CGREF1: variants seen among roughly 807,000 people sequenced by gnomAD.
CGREF1 encodes cell growth regulator with EF hand domain protein 1.
In CGREF1, 16 loss-of-function variants were observed where a neutral mutation model predicts 17.4. That is an observed-to-expected ratio of 0.92 (90% CI 0.62 to 1.40). CGREF1 has a LOEUF of 1.40. Ranked by LOEUF, CGREF1 falls within the 40% of genes most tolerant of loss-of-function variation. The pLI, the probability that CGREF1 is intolerant of heterozygous loss-of-function variation, is 0.00. For synonymous variants in CGREF1, 142 were observed against 154.6 expected (o/e 0.92, Z 0.61); for missense variants, 296 against 376.4 (o/e 0.79, Z 1.77).
intron 1 of CGREF1, among the ~76,000 whole-genome samples, chr2:27,112,869 A>C (rs1490590650): frequency 6.6e-6 from 1 of 152,244 alleles, no homozygotes; most frequent in Non-Finnish European, 1.5e-5. Flanking sequence ...AGAGAACTGA[A>C]GGAATTGCCG....
intron 1 of CGREF1, chr2:27,104,874 A>G: frequency 7.7e-7 from 1 of 1,296,284 alleles, no homozygotes; most frequent in Non-Finnish European, 1.0e-6. Flanking sequence ...TGAAGAACAA[A>G]TCAAAAGAGG....
downstream of CGREF1, chr2:27,100,531 G>A: frequency 7.7e-7 from 1 of 1,290,950 alleles, no homozygotes; most frequent in Non-Finnish European, 1.0e-6. Context: ...TCCAATATAG[G>A]GTGGGTAAGG....
intron 1 of CGREF1, among the ~76,000 whole-genome samples, chr2:27,107,390 G>C (rs1460694599): frequency 6.6e-6 from 1 of 151,928 alleles, no homozygotes; most frequent in Non-Finnish European, 1.5e-5. Flanking sequence ...AAGTAGCTGG[G>C]ATTACAGGCA....
chr2:27,102,728 T>C, intron 2 of CGREF1, 137 bp from the exon 3 acceptor site: 1 of 1,024,206 alleles, frequency 9.8e-7, no homozygotes, highest in South Asian at 1.7e-5. Context: ...AAAAACCCTG[T>C]AGTGGGGAGG....
Position 27,101,448 on chromosome 2 carries a change from GCCCCC to G in CGREF1, c.778_782del (p.Gly260ProfsTer5), listed in dbSNP as rs1670836200. 1.6e-6 allele frequency: 1 copy of G among 609,454 alleles called. No individual in the cohort carries two copies. 37.8% of individuals were successfully genotyped at this position (609,454 alleles called of 1,614,324 possible). A position where few individuals can be genotyped will look rare whatever the true frequency, so the allele number is the denominator to read the frequency against. ...GGGCATCTCCTTCAGCCTCTGCCTG[GCCCCC>G]AGCTTCCCCTCTGGGCCCGGGGGCA... On this transcript the variant is annotated frameshift_variant, in exon 6 of 6. Transcript: ENST00000402394. LOFTEE classifies it low-confidence loss of function (END_TRUNC).
intron 2 of CGREF1, among the ~76,000 whole-genome samples, chr2:27,103,888 C>G (rs1008855923): frequency 6.6e-6 from 1 of 152,082 alleles, no homozygotes; most frequent in Non-Finnish European, 1.5e-5. Context: ...GAGGCTGAGG[C>G]AGAAGAATTG....
chr2:27,106,443 A>T (rs115842327), intron 1 of CGREF1, among the ~76,000 whole-genome samples: 128 of 152,314 alleles, frequency 8.4e-4, no homozygotes, highest in Non-Finnish European at 1.4e-3. Flanking sequence ...GAGATTCCCT[A>T]CGTAAAGCTG....
At chr2:27,104,686 C>T in intron 1 of CGREF1, 3 of 1,550,454 alleles carry the variant, frequency 1.9e-6, no homozygotes, top group Non-Finnish European at 2.6e-6. Context: ...CCAAGGTGCC[C>T]AGAGAAGTAC....
chr2:27,100,553 A>G, downstream of CGREF1: 1 of 1,290,080 alleles, frequency 7.8e-7, no homozygotes, highest in Non-Finnish European at 1.0e-6. Context: ...CTTATAATGT[A>G]AAGAGCATAT....
rs1299493648 is a variant in CGREF1, at chr2:27,118,877, A to C, written c.-43T>G. On this transcript the variant is annotated 5_prime_UTR_variant, in exon 1 of 6. Transcript: ENST00000402394. ...CGGCGCCGCGCGGCTCTGGGGGTCC[A>C]GCTCCGTGGGCGCTCCTGGCTGCTG... 1.3e-5 allele frequency: 2 copies of C among 151,986 alleles called. No homozygotes were observed. The highest frequency in any genetic ancestry group is 2.9e-5 in the Non-Finnish European group (2 of 68,096). 9.4% of individuals were successfully genotyped at this position (151,986 alleles called of 1,614,324 possible). A position where few individuals can be genotyped will look rare whatever the true frequency, so the allele number is the denominator to read the frequency against.
chr2:27,114,077 C>CTCCG (rs1671489472), intron 1 of CGREF1, among the ~76,000 whole-genome samples: 1 of 150,754 alleles, frequency 6.6e-6, no homozygotes, highest in African/African-American at 2.5e-5. Context: ...TCACTGCAAC[C>CTCCG]TCCGTCTCCC....
intron 1 of CGREF1, among the ~76,000 whole-genome samples, chr2:27,106,768 C>G (rs1206033123): frequency 6.6e-6 from 1 of 152,160 alleles, no homozygotes; most frequent in African/African-American, 2.4e-5. Flanking sequence ...AGGCATGTGC[C>G]ACCATGCCCA....
downstream of CGREF1, chr2:27,099,421 G>A: frequency 1.2e-6 from 2 of 1,613,858 alleles, no homozygotes; most frequent in Non-Finnish European, 8.5e-7. Flanking sequence ...GTCTTGCAGG[G>A]CTGTGCTTGT....
downstream of CGREF1, chr2:27,099,867 G>A (rs1290432110): frequency 6.4e-7 from 1 of 1,550,728 alleles, no homozygotes; most frequent in African/African-American, 1.4e-5. Context: ...TGCAAGCTGT[G>A]GGGAGGACTC....
chr2:27,099,735 T>A, downstream of CGREF1: 1 of 1,614,086 alleles, frequency 6.2e-7, no homozygotes. Context: ...TGCAGGGCTT[T>A]GATGGCATCG....
At chr2:27,104,626 T>C (rs1258952217) in intron 1 of CGREF1, 2 of 1,550,586 alleles carry the variant, frequency 1.3e-6, no homozygotes, top group Admixed American at 3.9e-5. Context: ...GAAGCAGAGC[T>C]GGGGGCGCAT....
At chr2:27,101,924 CAG>C (rs1558457958) in intron 5 of CGREF1, 36 bp from the exon 6 acceptor site, 1 of 1,600,062 alleles carries the variant, frequency 6.2e-7, no homozygotes, top group Non-Finnish European at 8.5e-7. Flanking sequence ...TCTCCAGGGA[CAG>C]AGATGTTCCC....
At chr2:27,113,939 T>G (rs1671483569) in intron 1 of CGREF1, among the ~76,000 whole-genome samples, 1 of 149,306 alleles carries the variant, frequency 6.7e-6, no homozygotes, top group African/African-American at 2.5e-5. Context: ...CCCTCAGAGC[T>G]GTCAAAACTC....
chr2:27,116,874 TC>T (rs1558466774), intron 1 of CGREF1, among the ~76,000 whole-genome samples: 22 of 21,494 alleles, frequency 1.0e-3, no homozygotes, highest in African/African-American at 7.2e-3. Flanking sequence ...AGGCCTATTC[TC>T]TCTCTCTCTC....
Sources: gnomAD v4.1 joint callset for allele counts (sites outside exome capture counted in the v4.1 genomes callset) on GRCh38, gnomAD v4.1.1 for gene constraint, MANE v1.5 for transcripts, NCBI Gene and HGNC (gene_info 2026-07-23, HGNC 2026-07-21) for gene names.